Variants in TOMM70 observed in about 807,000 individuals in gnomAD.
TOMM70 encodes mitochondrial import receptor subunit TOM70.
A neutral mutation model predicts 73.6 loss-of-function variants in TOMM70; 13 were observed. The ratio of observed to expected loss-of-function variants is 0.18; its 90% CI spans 0.11 to 0.28. The LOEUF (loss-of-function observed/expected upper bound fraction) is 0.28. Ranked by LOEUF, TOMM70 falls within the 10% of genes least tolerant of loss-of-function variation. The probability of loss-of-function intolerance (pLI) is 1.00; values close to 1 mark genes in which losing one functional copy is unlikely to be tolerated. For synonymous variants in TOMM70, 257 were observed against 271.2 expected, an observed-to-expected ratio of 0.95 and a Z score of 0.51; for missense variants, 609 against 747.5, an observed-to-expected ratio of 0.81 and a Z score of 2.16.
rs1340516746 is a variant in TOMM70 at position 100,365,264 on chromosome 3, A to C, written c.*300T>G. On this transcript the variant is annotated 3_prime_UTR_variant, in exon 12 of 12. Transcript: ENST00000284320. ...GCCAACCCCCCTTAAAAAAAAAATC[A>C]ACAAATCAGTTTTTATTTGCATGGC... The C allele has an allele frequency of 3.2e-5, 9 of 284,700 alleles. No individual in the cohort carries two copies. Among genetic ancestry groups the C allele is most frequent in the Admixed American group, 9.1e-5 (2 of 21,858 alleles). The allele number at this position is 284,700 out of a possible 1,614,324, so 17.6% of individuals were successfully genotyped here. A position where few individuals can be genotyped will look rare whatever the true frequency, so the allele number is the denominator to read the frequency against.
At chr3:100,374,040 A>G (rs922170531) in intron 7 of TOMM70, among the ~76,000 whole-genome samples, 2 of 152,254 alleles carry the variant, frequency 1.3e-5, no homozygotes, top group Admixed American at 6.5e-5. Flanking sequence ...TTAAGAGGTT[A>G]TCTCAACACT....
chr3:100,365,710 T>A lies in TOMM70; in HGVS notation c.1681A>T (p.Met561Leu). The stretch of plus-strand genomic sequence containing the variant: ...TTGAACATGTCAATGGCTTTCTCCA[T>A]GTTTCCTCTAAAAGAACAAAATTTT... Reference protein sequence around the residue: ...MGTIEVQRGNMEKAIDMFNKA... With the variant: ...MGTIEVQRGNLEKAIDMFNKA... Residue 561 changes from methionine (M) to leucine (L), a missense_variant, in exon 12 of 12, where the codon ATG (methionine) becomes TTG (leucine). Met to Leu is a conservative substitution (Grantham distance 15). Coordinates refer to ENST00000284320, the MANE Select transcript of TOMM70 (RefSeq NM_014820.5). 2 of 1,614,094 alleles carry A rather than the reference T, an allele frequency of 1.2e-6. No individual in the cohort carries two copies. The highest frequency in any genetic ancestry group is 1.7e-5 in the Admixed American group (1 of 60,008).
Position 100,377,924 on chromosome 3 carries a change from A to T in TOMM70, c.885-12T>A. Reference sequence around the variant, plus strand: ...TTAAGTATCCAGAACTGAAAATAAAAACAAACATAGGAAATTATTTACTAA... The same window carrying T: ...TTAAGTATCCAGAACTGAAAATAAATACAAACATAGGAAATTATTTACTAA... On this transcript the variant is annotated splice_polypyrimidine_tract_variant and intron_variant, in intron 5 of 11. Transcript: ENST00000284320. The T allele has an allele frequency of 6.2e-7, 1 of 1,601,560 alleles. No individual in the cohort carries two copies. Among genetic ancestry groups the T allele is most frequent in the African/African-American group, 1.3e-5 (1 of 74,608 alleles).
At chr3:100,399,089 C>T (rs1385590179) in intron 1 of TOMM70, among the ~76,000 whole-genome samples, 1 of 152,112 alleles carries the variant, frequency 6.6e-6, no homozygotes, top group Non-Finnish European at 1.5e-5. Flanking sequence ...CAAGACCAGC[C>T]TGGCCAACAC....
At chr3:100,365,813 G>A (rs565740987) in intron 11 of TOMM70, 96 bp from the exon 12 acceptor site, 3 of 1,374,170 alleles carry the variant, frequency 2.2e-6, no homozygotes, top group Middle Eastern at 4.2e-4. Flanking sequence ...TGACCACTAA[G>A]TTTCTTCACA....
chr3:100,387,281 T>C (rs1394691839), intron 1 of TOMM70, among the ~76,000 whole-genome samples: 1 of 152,134 alleles, frequency 6.6e-6, no homozygotes, highest in East Asian at 1.9e-4. Flanking sequence ...ACCCCGTCTC[T>C]ATTAAAAATA....
At position 100,400,761 on chromosome 3, in the gene TOMM70, T is replaced by C. The variant is rs1392743172; in HGVS notation, c.189A>G (p.Gln63=). Residue 63 remains glutamine (Q), a synonymous_variant, in exon 1 of 12, where the codon CAA becomes CAG. Transcript: ENST00000284320. ...CCCGGCCTCTGGCCTCCCGGCGCCG[T>C]TGCTGCCGACTCCACAGGTATATGG... ...AGAIYLWSRQ[Q]RRREARGRGD... 9 of 1,589,738 alleles carry C rather than the reference T, an allele frequency of 5.7e-6. No individual in the cohort carries two copies. Among genetic ancestry groups the C allele is most frequent in the Non-Finnish European group, 7.7e-6 (9 of 1,171,878 alleles).
chr3:100,365,558 C>A lies in TOMM70; in HGVS notation c.*6G>T, dbSNP rs1355604147. ...AAAAAGAGGGTCAGTCTGCTTTCCC[C>A]CTGTTTTATAATGTTGGTGGTTTTA... On this transcript the variant is annotated 3_prime_UTR_variant, in exon 12 of 12. Transcript: ENST00000284320. 1 of 1,613,994 alleles carries A rather than the reference C, an allele frequency of 6.2e-7. No individual in the cohort carries two copies. The highest frequency in any genetic ancestry group is 8.5e-7 in the Non-Finnish European group (1 of 1,179,986).
chr3:100,368,933 T>G lies in TOMM70; in HGVS notation c.1550+105A>C, dbSNP rs548090805. On this transcript the variant is annotated intron_variant, in intron 10 of 11. Coordinates refer to ENST00000284320, the MANE Select transcript of TOMM70 (RefSeq NM_014820.5). The stretch of plus-strand genomic sequence containing the variant: ...CTAGGAGCATTAAGAAGTTTGTCAA[T>G]TAACTTCTCTACCACAGTCCCCTTC... The G allele has an allele frequency of 6.5e-6, 5 of 769,220 alleles. No homozygotes were observed. In the East Asian group the frequency reaches 1.3e-4, roughly 20 times the overall value. 47.6% of individuals were successfully genotyped at this position (769,220 alleles called of 1,614,324 possible). A position where few individuals can be genotyped will look rare whatever the true frequency, so the allele number is the denominator to read the frequency against.
rs781381275 is a variant in TOMM70, at chr3:100,364,360, T to C, written c.*1204A>G. The stretch of plus-strand genomic sequence containing the variant: ...AAAATTCCTTAAGCACATGTAGCCA[T>C]AGTTAAAGCACTAAACTTGTTATTT... On this transcript the variant is annotated 3_prime_UTR_variant, in exon 12 of 12. Transcript: ENST00000284320. 2.6e-5 allele frequency: 4 copies of C among 152,180 alleles called. No homozygotes were observed. The highest frequency in any genetic ancestry group is 5.9e-5 in the Non-Finnish European group (4 of 68,024). 9.4% of individuals were successfully genotyped at this position (152,180 alleles called of 1,614,324 possible).
intron 9 of TOMM70, among the ~76,000 whole-genome samples, chr3:100,371,672 G>C (rs1325637260): frequency 2.6e-5 from 4 of 152,148 alleles, no homozygotes; most frequent in African/African-American, 4.8e-5. Flanking sequence ...AAATTACATA[G>C]AGCAGCAGTC....
chr3:100,379,704 C>T (rs1706608476), intron 5 of TOMM70, among the ~76,000 whole-genome samples: 2 of 152,140 alleles, frequency 1.3e-5, no homozygotes, highest in Admixed American at 1.3e-4. Flanking sequence ...TCAACCTCTG[C>T]CTCTGGGACT....
rs763808857 is a variant in TOMM70 at position 100,369,149 on chromosome 3, T to C, written c.1453-14A>G. 19 of 1,572,204 alleles carry C rather than the reference T, an allele frequency of 1.2e-5. No individual in the cohort carries two copies. The highest frequency in any genetic ancestry group is 4.5e-5 in the East Asian group (2 of 44,588). On this transcript the variant is annotated splice_polypyrimidine_tract_variant and intron_variant, in intron 9 of 11. Coordinates refer to ENST00000284320, the MANE Select transcript of TOMM70 (RefSeq NM_014820.5). ...ATCTGTTAATGCCTATGTGAGGAGA[T>C]ACTTCAGTTATATTAAGGTAACCGT...
At chr3:100,380,555 G>A (rs1158421136) in intron 5 of TOMM70, among the ~76,000 whole-genome samples, 1 of 152,160 alleles carries the variant, frequency 6.6e-6, no homozygotes, top group Non-Finnish European at 1.5e-5. Flanking sequence ...TCCAATTCCA[G>A]TTAGTGTGCT....
intron 3 of TOMM70, among the ~76,000 whole-genome samples, chr3:100,385,623 G>A (rs1269744800): frequency 6.6e-6 from 1 of 152,192 alleles, no homozygotes; most frequent in East Asian, 1.9e-4. Flanking sequence ...TGGAAGCAGA[G>A]AAATGGCCAA....
rs933114969 is a variant in TOMM70, at chr3:100,381,545, A to C, written c.884+70T>G. ...GCTGTTGTGAGATGGCTCAGAACCC[A>C]TATGGGCCCTAAGGAAAGTTCAAAG... On this transcript the variant is annotated intron_variant, in intron 5 of 11. Transcript: ENST00000284320. 6.1e-6 allele frequency: 9 copies of C among 1,483,838 alleles called. No individual in the cohort carries two copies. In the African/African-American group the frequency reaches 8.4e-5, roughly 14 times the overall value. The allele number at this position is 1,483,838 out of a possible 1,614,324, so 91.9% of individuals were successfully genotyped here.
rs543575420 is a variant in TOMM70 at position 100,372,492 on chromosome 3, A to G, written c.1452+114T>C. ...GGGGCCATGAGAATCAATCAGGAAC[A>G]AAGCCACCTGCTTCCAAAGAAGCTG... is the stretch of plus-strand genomic sequence containing the variant. On this transcript the variant is annotated intron_variant, in intron 9 of 11. Transcript: ENST00000284320. 4 of 822,888 alleles carry G rather than the reference A, an allele frequency of 4.9e-6. No homozygotes were observed. In the South Asian group the frequency reaches 7.7e-5, roughly 16 times the overall value. The allele number at this position is 822,888 out of a possible 1,614,324, so 51.0% of individuals were successfully genotyped here. A position where few individuals can be genotyped will look rare whatever the true frequency, so the allele number is the denominator to read the frequency against.
chr3:100,385,762 A>T (rs1706683690), intron 3 of TOMM70, among the ~76,000 whole-genome samples: 1 of 152,204 alleles, frequency 6.6e-6, no homozygotes, highest in African/African-American at 2.4e-5. Flanking sequence ...TTGGGTATAA[A>T]ATAATGTTTG....
At chr3:100,387,760 C>T (rs539308207) in intron 1 of TOMM70, among the ~76,000 whole-genome samples, 6 of 152,044 alleles carry the variant, frequency 3.9e-5, no homozygotes, top group South Asian at 4.2e-4. Context: ...CTCAGCCTCC[C>T]GAGTAGCTAG....
Sources: allele counts gnomAD v4.1 joint callset (sites outside exome capture counted in the v4.1 genomes callset), GRCh38; gene constraint gnomAD v4.1.1; transcripts MANE v1.5; gene names NCBI Gene and HGNC (gene_info 2026-07-23, HGNC 2026-07-21).